CARD8: variants seen among roughly 807,000 people sequenced by gnomAD.
The protein encoded by CARD8 is caspase recruitment domain family member 8.
CARD8 carries 38 observed loss-of-function variants against 53.2 expected under a neutral mutation model. That is an observed-to-expected ratio of 0.71 (90% confidence interval 0.55 to 0.94). The LOEUF is 0.94. Ranked by LOEUF, CARD8 falls within the 40% of genes least tolerant of loss-of-function variation. CARD8 has a pLI of 0.00. For synonymous variants in CARD8, 245 were observed against 244.9 expected (o/e 1.00, Z 0.00); for missense variants, 561 against 655.5 (o/e 0.86, Z 1.57).
chr19:48,230,822 C>G lies in CARD8; in HGVS notation c.727G>C (p.Glu243Gln). The G allele has an allele frequency of 6.2e-7, 1 of 1,614,146 alleles. No individual in the cohort carries two copies. The highest frequency in any genetic ancestry group is 8.5e-7 in the Non-Finnish European group (1 of 1,180,036). The change falls in exon 9 of 14, where the codon GAG becomes CAG. Residue 243 changes from glutamate (E) to glutamine (Q), a missense_variant. Glu to Gln is a conservative substitution (Grantham distance 29). Transcript: ENST00000651546. Reference protein sequence around the residue: ...PLFDVTAEPEEAVAEIHLPHF... With the variant: ...PLFDVTAEPEQAVAEIHLPHF... ...GGGAGGTGGATTTCGGCGACAGCCTCCTCTGGCTCTGCAGTGACATCAAAC... is the reference window on the plus strand; with the variant it reads ...GGGAGGTGGATTTCGGCGACAGCCTGCTCTGGCTCTGCAGTGACATCAAAC...
chr19:48,246,788 G>A (rs549970873), intron 3 of CARD8, among the ~76,000 whole-genome samples: 3 of 152,262 alleles, frequency 2.0e-5, no homozygotes, highest in East Asian at 1.9e-4. Context: ...GAAATCATGC[G>A]AAAGTCTGAA....
chr19:48,228,532 G>A (rs986164853), intron 10 of CARD8, among the ~76,000 whole-genome samples: 2 of 152,174 alleles, frequency 1.3e-5, no homozygotes, highest in Non-Finnish European at 2.9e-5. Context: ...GGGTGGCAAG[G>A]TCATCCACAC....
chr19:48,238,801 T>C (rs1023649112), intron 4 of CARD8, among the ~76,000 whole-genome samples: 5 of 152,158 alleles, frequency 3.3e-5, no homozygotes, highest in African/African-American at 1.2e-4. Context: ...GATGCCATCC[T>C]CAGAGATGTC....
chr19:48,218,036 C>A (rs1451341666), intron 12 of CARD8, among the ~76,000 whole-genome samples: 7 of 152,114 alleles, frequency 4.6e-5, no homozygotes, highest in Non-Finnish European at 7.4e-5. Flanking sequence ...CTGTTCTTTA[C>A]CCCCTAGGTT....
At chr19:48,248,335 C>T (rs1405707221) in intron 3 of CARD8, among the ~76,000 whole-genome samples, 2 of 151,892 alleles carry the variant, frequency 1.3e-5, no homozygotes, top group African/African-American at 4.8e-5. Flanking sequence ...TGCCACACAG[C>T]GAAGCCCTGT....
intron 10 of CARD8, among the ~76,000 whole-genome samples, chr19:48,224,794 C>T (rs1455430540): frequency 1.3e-5 from 2 of 149,384 alleles, no homozygotes; most frequent in South Asian, 2.1e-4. Flanking sequence ...CTCGCTCTGT[C>T]GCCCAGGCTG....
At chr19:48,215,683 C>T (rs1201650227) in intron 12 of CARD8, among the ~76,000 whole-genome samples, 1 of 152,122 alleles carries the variant, frequency 6.6e-6, no homozygotes, top group East Asian at 1.9e-4. Flanking sequence ...AAATTACAGT[C>T]AAAGTGTTTT....
At chr19:48,253,281 C>T (rs2047168425) in intron 1 of CARD8, among the ~76,000 whole-genome samples, 1 of 152,114 alleles carries the variant, frequency 6.6e-6, no homozygotes, top group African/African-American at 2.4e-5. Context: ...GACGGGGTTT[C>T]ACCAATTTGG....
intron 3 of CARD8, among the ~76,000 whole-genome samples, chr19:48,247,275 A>T (rs974575454): frequency 2.0e-4 from 30 of 152,158 alleles, no homozygotes; most frequent in African/African-American, 7.0e-4. Flanking sequence ...AGTGAGCCAA[A>T]ATGGTGCCAC....
chr19:48,245,796 G>A (rs964788982), intron 3 of CARD8, among the ~76,000 whole-genome samples: 2 of 147,714 alleles, frequency 1.4e-5, no homozygotes, highest in Admixed American at 6.8e-5. Flanking sequence ...CTAATTTATT[G>A]TATTGTATAT....
chr19:48,242,173 G>A (rs1017846884), intron 3 of CARD8, among the ~76,000 whole-genome samples: 1 of 152,112 alleles, frequency 6.6e-6, no homozygotes, highest in East Asian at 1.9e-4. Context: ...TGGGGCCTTC[G>A]GGAGGTGATG....
chr19:48,238,415 A>C lies in CARD8; in HGVS notation c.177T>G (p.Phe59Leu). The C allele has an allele frequency of 6.5e-7, 1 of 1,536,160 alleles. No individual in the cohort carries two copies. Among genetic ancestry groups the C allele is most frequent in the Non-Finnish European group, 8.7e-7 (1 of 1,146,906 alleles). The change falls in exon 5 of 14, where the codon TTT (phenylalanine) becomes TTG (leucine). Residue 59 changes from phenylalanine to leucine, a missense_variant. By Grantham distance (22) the Phe-to-Leu change is conservative (BLOSUM62 0). Transcript: ENST00000651546. ...RELQYTKTGI[F>L]FQAEACVTND... ...TTGTCACACAGGCCTCAGCCTGAAA[A>C]AAAATTCCAGTTTTTGTGTATTGCA...
At chr19:48,206,324 G>C (rs931882312), downstream of CARD8, 15 of 400,564 alleles carry the variant, frequency 3.7e-5, no homozygotes, top group Admixed American at 1.1e-4. Context: ...CTAGCCACAT[G>C]TGGGTGCATT....
At chr19:48,219,087 T>C in intron 11 of CARD8, 75 bp from the exon 12 acceptor site, 1 of 1,419,674 alleles carries the variant, frequency 7.0e-7, no homozygotes, top group Non-Finnish European at 9.9e-7. Flanking sequence ...AACTGGCCAA[T>C]GGAACTTAAC....
chr19:48,232,387 C>T, intron 7 of CARD8, 66 bp downstream of exon 7: 2 of 1,415,380 alleles, frequency 1.4e-6, no homozygotes, highest in Non-Finnish European at 1.9e-6. Context: ...GTCTTCTTCA[C>T]ATAAAATCAC....
chr19:48,241,902 G>A (rs1169849619), intron 3 of CARD8, among the ~76,000 whole-genome samples: 11 of 152,084 alleles, frequency 7.2e-5, no homozygotes, highest in African/African-American at 2.4e-4. Context: ...TGTATATATA[G>A]TAATGAAGTT....
At chr19:48,254,089 A>G (rs1188511420) in intron 1 of CARD8, among the ~76,000 whole-genome samples, 1 of 152,234 alleles carries the variant, frequency 6.6e-6, no homozygotes, top group Non-Finnish European at 1.5e-5. Flanking sequence ...TTATCTGAAT[A>G]TATGTACAAT....
chr19:48,220,378 T>C lies in CARD8; in HGVS notation c.1161+1352A>G, dbSNP rs561772287. On this transcript the variant is annotated intron_variant, in intron 11 of 13. Transcript: ENST00000651546. ...GTCCAAAAAGGAGACATGTAAATAC[T>C]GACACCTAACCCTCTTGTTTCTCAC... Among the ~76,000 whole-genome samples the C allele has an allele frequency of 2.4e-4, 36 of 152,344 alleles. No homozygotes were observed. In the East Asian group the frequency reaches 5.4e-3, roughly 23 times the overall value.
Position 48,211,693 on chromosome 19 carries a change from T to G in CARD8, c.*17A>C. The G allele has an allele frequency of 6.2e-7, 1 of 1,610,316 alleles. No individual in the cohort carries two copies. The highest frequency in any genetic ancestry group is 8.5e-7 in the Non-Finnish European group (1 of 1,177,618). On this transcript the variant is annotated 3_prime_UTR_variant, in exon 14 of 14. Transcript: ENST00000651546. ...GAACGCTGGATTCTCTCTTCCAGACTACCTAACTGACTCATTTTACAAATT... is the reference window on the plus strand; with the variant it reads ...GAACGCTGGATTCTCTCTTCCAGACGACCTAACTGACTCATTTTACAAATT...
Sources: gnomAD v4.1 joint callset for allele counts (sites outside exome capture counted in the v4.1 genomes callset) on GRCh38, gnomAD v4.1.1 for gene constraint, MANE v1.5 for transcripts, NCBI Gene and HGNC (gene_info 2026-07-23, HGNC 2026-07-21) for gene names.